The following TBC1D32 variants were observed in gnomAD, a reference collection of about 807,000 sequenced individuals.
TBC1D32 encodes the protein TBC1 domain family member 32.
In TBC1D32, 151 loss-of-function variants were observed where a neutral mutation model predicts 170.3. The ratio of observed to expected loss-of-function variants is 0.89; its 90% CI spans 0.78 to 1.01. TBC1D32 has a LOEUF of 1.01. TBC1D32 is among the 50% of genes least tolerant of loss of function. The probability of loss-of-function intolerance (pLI) is 0.00; values close to 1 mark genes in which losing one functional copy is unlikely to be tolerated. For synonymous variants in TBC1D32, 498 were observed against 488.0 expected, an observed-to-expected ratio of 1.02 and a Z score of -0.27; for missense variants, 1,464 against 1,457.1, an observed-to-expected ratio of 1.00 and a Z score of -0.08.
intron 15 of TBC1D32, among the ~76,000 whole-genome samples, chr6:121,257,731 T>A (rs1023754020): frequency 7.2e-5 from 11 of 152,190 alleles, no homozygotes; most frequent in Non-Finnish European, 1.5e-4. Flanking sequence ...TGTTTTTTTT[T>A]ATATACTTTA....
intron 15 of TBC1D32, among the ~76,000 whole-genome samples, chr6:121,268,638 A>G (rs1740805788): frequency 2.0e-5 from 3 of 152,172 alleles, no homozygotes; most frequent in Admixed American, 1.3e-4. Flanking sequence ...CGTCTGACTG[A>G]TGTACCTGAA....
At chr6:121,082,515 T>C (rs1232085068) in intron 31 of TBC1D32, among the ~76,000 whole-genome samples, 2 of 151,984 alleles carry the variant, frequency 1.3e-5, no homozygotes, top group African/African-American at 4.8e-5. Context: ...TGTCTTATTC[T>C]AACCAGAGAC....
At chr6:121,214,057 G>A (rs1022452081) in intron 21 of TBC1D32, among the ~76,000 whole-genome samples, 7 of 152,196 alleles carry the variant, frequency 4.6e-5, no homozygotes, top group African/African-American at 9.7e-5. Flanking sequence ...TTTGATAAAC[G>A]TGCTGAGATA....
chr6:121,201,416 G>C (rs1253417041), intron 22 of TBC1D32, among the ~76,000 whole-genome samples: 1 of 151,420 alleles, frequency 6.6e-6, no homozygotes, highest in Non-Finnish European at 1.5e-5. Context: ...TAACACAGGT[G>C]AGGACAGGGG....
intron 22 of TBC1D32, among the ~76,000 whole-genome samples, chr6:121,170,903 G>A (rs561512291): frequency 6.6e-6 from 1 of 152,042 alleles, no homozygotes; most frequent in South Asian, 2.1e-4. Context: ...AGTTATGACA[G>A]AATCATCATT....
chr6:121,143,037 C>T (rs561091588), intron 24 of TBC1D32, among the ~76,000 whole-genome samples: 2 of 152,146 alleles, frequency 1.3e-5, no homozygotes, highest in African/African-American at 4.8e-5. Flanking sequence ...AACACTAGTA[C>T]ATATAACTAG....
intron 21 of TBC1D32, among the ~76,000 whole-genome samples, chr6:121,217,117 A>C (rs143535518): frequency 1.5e-3 from 225 of 152,336 alleles, no homozygotes; most frequent in African/African-American, 5.2e-3. Flanking sequence ...CAAGAATGCT[A>C]CTGGATTATC....
At chr6:121,088,884 T>C (rs1209449963) in intron 31 of TBC1D32, among the ~76,000 whole-genome samples, 1 of 152,190 alleles carries the variant, frequency 6.6e-6, no homozygotes, top group Non-Finnish European at 1.5e-5. Flanking sequence ...TCCTTTAGTT[T>C]TAAACTGACA....
At chr6:121,112,702 T>C (rs1582822200) in intron 28 of TBC1D32, 43 bp from the exon 29 acceptor site, 1 of 1,379,750 alleles carries the variant, frequency 7.2e-7, no homozygotes, top group Non-Finnish European at 9.6e-7. Context: ...TTTTGTAAGA[T>C]AAAATATTAA....
chr6:121,173,474 GA>G, intron 22 of TBC1D32, among the ~76,000 whole-genome samples: 1 of 151,928 alleles, frequency 6.6e-6, no homozygotes, highest in East Asian at 1.9e-4. Context: ...AAATTTCTAA[GA>G]AGAAAAACAA....
At chr6:121,278,797 A>G (rs73526665) in intron 15 of TBC1D32, among the ~76,000 whole-genome samples, 17,631 of 152,100 alleles carry the variant, frequency 0.12, 1,467 homozygotes, top group Admixed American at 0.23. Context: ...AAATATTACC[A>G]TTGGTTAAGT....
At chr6:121,082,447 G>A (rs780067808) in intron 31 of TBC1D32, among the ~76,000 whole-genome samples, 1 of 151,954 alleles carries the variant, frequency 6.6e-6, no homozygotes. Context: ...TATGTGTGAC[G>A]TGGCTTTAAC....
intron 24 of TBC1D32, 30 bp downstream of exon 24, chr6:121,159,980 T>C: frequency 7.1e-7 from 1 of 1,407,994 alleles, no homozygotes; most frequent in Admixed American, 1.8e-5. Flanking sequence ...GCTTTAAAAA[T>C]AATATGGCAT....
chr6:121,202,274 A>C (rs1195750772), intron 22 of TBC1D32, among the ~76,000 whole-genome samples: 1 of 104,810 alleles, frequency 9.5e-6, no homozygotes, highest in East Asian at 2.7e-4. Context: ...GGTTGACTAG[A>C]GAATGAAAAA....
chr6:121,304,276 A>T, intron 8 of TBC1D32, 89 bp downstream of exon 8: 1 of 1,202,164 alleles, frequency 8.3e-7, no homozygotes, highest in Non-Finnish European at 1.2e-6. Flanking sequence ...TAAGTCCATT[A>T]AGACTGTCTT....
At chr6:121,102,611 T>C (rs1283462855) in intron 30 of TBC1D32, among the ~76,000 whole-genome samples, 1 of 152,086 alleles carries the variant, frequency 6.6e-6, no homozygotes, top group African/African-American at 2.4e-5. Flanking sequence ...AAGACTTAAA[T>C]GTTAGACCTA....
chr6:121,242,051 T>G (rs1563043800), intron 18 of TBC1D32, 150 bp downstream of exon 18: 1 of 735,766 alleles, frequency 1.4e-6, no homozygotes, highest in Non-Finnish European at 2.1e-6. Context: ...AATGTTTTCC[T>G]AAAAAAAAAT....
chr6:121,213,559 A>G (rs1413122077), intron 21 of TBC1D32, among the ~76,000 whole-genome samples: 2 of 143,618 alleles, frequency 1.4e-5, no homozygotes, highest in South Asian at 2.1e-4. Context: ...AAAATAAAAT[A>G]AAATAAAATA....
At chr6:121,305,762 G>A (rs1403792667) in intron 5 of TBC1D32, among the ~76,000 whole-genome samples, 1 of 145,022 alleles carries the variant, frequency 6.9e-6, no homozygotes, top group African/African-American at 2.4e-5. Flanking sequence ...GAGTCCTTTA[G>A]AGGAGGAGAT....
Sources: gnomAD v4.1 joint callset for allele counts (sites outside exome capture counted in the v4.1 genomes callset) on GRCh38, gnomAD v4.1.1 for gene constraint, MANE v1.5 for transcripts, NCBI Gene and HGNC (gene_info 2026-07-23, HGNC 2026-07-21) for gene names.